Variants in NCAM2 observed in about 807,000 individuals in gnomAD.
NCAM2 encodes neural cell adhesion molecule 2, also known as N-CAM-2.
NCAM2 carries 30 observed loss-of-function variants against 98.1 expected under a neutral mutation model. The ratio of observed to expected loss-of-function variants is 0.31; its 90% CI spans 0.23 to 0.41. The LOEUF (loss-of-function observed/expected upper bound fraction) is 0.41. Among genes scored for constraint, NCAM2 ranks in the 10% least tolerant of loss-of-function variants. The pLI is 1.00. For missense variants in NCAM2, 867 were observed against 1,005.8 expected (o/e 0.86, Z 1.87); for synonymous variants, 368 against 342.4 (o/e 1.07, Z -0.83).
intron 1 of NCAM2, among the ~76,000 whole-genome samples, chr21:21,199,826 C>G (rs1411729313): frequency 6.6e-6 from 1 of 151,928 alleles, no homozygotes; most frequent in Admixed American, 6.6e-5. Flanking sequence ...TGAATGTGAG[C>G]TATTTATGTC....
At position 21,012,879 on chromosome 21, in the gene NCAM2, G is replaced by A. The variant is rs142946050; in HGVS notation, c.55+14261G>A. Among the ~76,000 whole-genome samples, 342 of 152,036 alleles carry A rather than the reference G, an allele frequency of 2.2e-3. 2 individuals are homozygous for A. Among genetic ancestry groups the A allele is most frequent in the Middle Eastern group, 3.4e-3 (1 of 292 alleles). On this transcript the variant is annotated intron_variant, in intron 1 of 17. Coordinates refer to ENST00000400546, the MANE Select transcript of NCAM2 (RefSeq NM_004540.5). ...TTATGGTGATCTGTTATCATTGATC[G>A]TTGATGTTACAATTGTAATTATCTT... is the stretch of plus-strand genomic sequence containing the variant.
At chr21:21,526,383 C>T (rs1302587407) in intron 16 of NCAM2, among the ~76,000 whole-genome samples, 3 of 151,926 alleles carry the variant, frequency 2.0e-5, no homozygotes, top group Non-Finnish European at 4.4e-5. Context: ...TTTTAATTAG[C>T]ACCCCGCAAA....
chr21:21,021,372 T>G (rs1041256894), intron 1 of NCAM2, among the ~76,000 whole-genome samples: 1 of 152,194 alleles, frequency 6.6e-6, no homozygotes, highest in Admixed American at 6.5e-5. Context: ...TGATGACTTT[T>G]TTGGTTCTCA....
intron 7 of NCAM2, among the ~76,000 whole-genome samples, chr21:21,336,500 G>A (rs1171618237): frequency 1.3e-5 from 2 of 151,920 alleles, no homozygotes; most frequent in Non-Finnish European, 2.9e-5. Context: ...CACCAACATG[G>A]CACATGTATA....
In NCAM2 at chr21:21,543,255, A is replaced by C. The variant is rs138633086; in HGVS notation, c.*5298A>C. 2.0e-5 allele frequency: 3 copies of C among 151,982 alleles called. No individual in the cohort carries two copies. In the South Asian group the frequency reaches 6.2e-4, roughly 31 times the overall value. 9.4% of individuals were successfully genotyped at this position (151,982 alleles called of 1,614,324 possible). ...TTTTGTATTTATGAGAGACATTGAA[A>C]GTATGGCTTACAGTATATCAAACTT... On this transcript the variant is annotated 3_prime_UTR_variant, in exon 18 of 18. Transcript: ENST00000400546.
chr21:21,071,005 G>A (rs1454985119), intron 1 of NCAM2, among the ~76,000 whole-genome samples: 1 of 152,138 alleles, frequency 6.6e-6, no homozygotes, highest in African/African-American at 2.4e-5. Flanking sequence ...AAAGTTTTGA[G>A]AGTACGTTTC....
chr21:21,123,526 C>T (rs143954381), intron 1 of NCAM2, among the ~76,000 whole-genome samples: 2 of 152,126 alleles, frequency 1.3e-5, no homozygotes, highest in Admixed American at 6.5e-5. Flanking sequence ...ATCCCACCCC[C>T]GTGGTGAGGA....
intron 1 of NCAM2, among the ~76,000 whole-genome samples, chr21:21,245,745 A>C (rs1471092786): frequency 6.6e-6 from 1 of 152,126 alleles, no homozygotes; most frequent in Non-Finnish European, 1.5e-5. Context: ...CCTCAGTTAC[A>C]TTATTTCTTT....
intron 9 of NCAM2, among the ~76,000 whole-genome samples, chr21:21,402,630 C>T (rs566222749): frequency 6.6e-6 from 1 of 152,234 alleles, no homozygotes; most frequent in East Asian, 1.9e-4. Flanking sequence ...CCTGTTTGTA[C>T]ACTCCCTCCC....
intron 8 of NCAM2, among the ~76,000 whole-genome samples, chr21:21,351,642 T>A (rs950392536): frequency 1.3e-5 from 2 of 152,242 alleles, no homozygotes; most frequent in Non-Finnish European, 2.9e-5. Flanking sequence ...AGATTGTATG[T>A]TCAAAGTGTT....
intron 10 of NCAM2, among the ~76,000 whole-genome samples, chr21:21,413,056 T>G (rs1349804059): frequency 2.6e-5 from 4 of 152,178 alleles, no homozygotes; most frequent in Non-Finnish European, 4.4e-5. Context: ...TTGTGTGTTT[T>G]AAAACATAAC....
At chr21:21,354,602 T>G (rs1186791253) in intron 8 of NCAM2, among the ~76,000 whole-genome samples, 1 of 152,234 alleles carries the variant, frequency 6.6e-6, no homozygotes, top group Non-Finnish European at 1.5e-5. Context: ...TTAGAAATTC[T>G]GCTTTTGTGT....
At chr21:21,292,996 A>G (rs549113839) in intron 5 of NCAM2, among the ~76,000 whole-genome samples, 21 of 151,972 alleles carry the variant, frequency 1.4e-4, no homozygotes, top group South Asian at 1.0e-3. Context: ...AAGAAATGCC[A>G]CACTTAAAAC....
At chr21:21,530,414 T>C (rs1338741785) in intron 16 of NCAM2, among the ~76,000 whole-genome samples, 1 of 148,706 alleles carries the variant, frequency 6.7e-6, no homozygotes, top group South Asian at 2.1e-4. Context: ...ATCAAAGAAA[T>C]GTAAAAAGTA....
chr21:21,015,579 CA>C (rs2064290885), intron 1 of NCAM2, among the ~76,000 whole-genome samples: 1 of 152,144 alleles, frequency 6.6e-6, no homozygotes, highest in African/African-American at 2.4e-5. Flanking sequence ...ACAACTTTTA[CA>C]TGCCCTGGAA....
In NCAM2 at chr21:21,233,544, C is replaced by A. The variant is rs548605890; in HGVS notation, c.56-47034C>A. ...GAAATGATCAGCTAATAAGATACTA[C>A]AAAATTTATATTGTTTAGATAAAAA... On this transcript the variant is annotated intron_variant, in intron 1 of 17. Coordinates refer to ENST00000400546, the MANE Select transcript of NCAM2 (RefSeq NM_004540.5). Among the ~76,000 whole-genome samples, 3 of 151,592 alleles carry A rather than the reference C, an allele frequency of 2.0e-5. No homozygotes were observed. In the South Asian group the frequency reaches 6.2e-4, roughly 31 times the overall value.
intron 1 of NCAM2, among the ~76,000 whole-genome samples, chr21:21,007,536 G>A (rs189974386): frequency 2.2e-3 from 342 of 152,242 alleles, no homozygotes; most frequent in African/African-American, 7.0e-3. Context: ...AATTTTCTGG[G>A]AAAGGGGTGG....
intron 1 of NCAM2, among the ~76,000 whole-genome samples, chr21:21,037,981 A>G (rs575115575): frequency 7.9e-5 from 12 of 152,302 alleles, no homozygotes; most frequent in Non-Finnish European, 1.6e-4. Flanking sequence ...ATAGCTGATT[A>G]AGTTAATTTA....
At chr21:21,504,742 C>A (rs189694916) in intron 15 of NCAM2, among the ~76,000 whole-genome samples, 91 of 151,630 alleles carry the variant, frequency 6.0e-4, no homozygotes, top group Non-Finnish European at 1.1e-3. Context: ...TATATACATA[C>A]ATAGAACATA....
Sources: gnomAD v4.1 joint callset for allele counts (sites outside exome capture counted in the v4.1 genomes callset) on GRCh38, gnomAD v4.1.1 for gene constraint, MANE v1.5 for transcripts, NCBI Gene and HGNC (gene_info 2026-07-23, HGNC 2026-07-21) for gene names.